WWOX: variants seen among roughly 807,000 people sequenced by gnomAD.
WWOX encodes the protein WW domain-containing oxidoreductase.
WWOX carries 69 observed loss-of-function variants against 46.2 expected under a neutral mutation model. The ratio of observed to expected loss-of-function variants is 1.49; its 90% CI spans 1.23 to 1.82. The LOEUF is 1.82. Among genes scored for constraint, WWOX ranks in the 40% most tolerant of loss-of-function variants. The probability of loss-of-function intolerance (pLI) is 0.00; values close to 1 mark genes in which losing one functional copy is unlikely to be tolerated. For missense variants in WWOX, 919 were observed against 542.6 expected (o/e 1.69, Z -6.89); for synonymous variants, 359 against 202.6 (o/e 1.77, Z -6.56).
chr16:79,006,619 G>C (rs2047196231), intron 8 of WWOX, among the ~76,000 whole-genome samples: 2 of 151,792 alleles, frequency 1.3e-5, no homozygotes, highest in African/African-American at 4.8e-5. Flanking sequence ...AAACCTAAAT[G>C]TATTATCTGA....
chr16:78,780,994 C>T (rs1025925732), intron 8 of WWOX, among the ~76,000 whole-genome samples: 1 of 152,096 alleles, frequency 6.6e-6, no homozygotes, highest in Admixed American at 6.5e-5. Flanking sequence ...CTGGTGTGGC[C>T]GAAGGAGTGC....
intron 8 of WWOX, among the ~76,000 whole-genome samples, chr16:78,603,366 C>A (rs963333992): frequency 7.9e-5 from 12 of 152,172 alleles, no homozygotes; most frequent in African/African-American, 2.4e-4. Context: ...ATGAACGCCC[C>A]CACTGGGTGA....
chr16:78,355,624 G>A (rs969682469), intron 5 of WWOX: 23 of 587,398 alleles, frequency 3.9e-5, no homozygotes, highest in Non-Finnish European at 5.5e-5. Context: ...GTGTGAAAAT[G>A]AGAAACGACC....
intron 8 of WWOX, among the ~76,000 whole-genome samples, chr16:79,036,348 T>G (rs1374815617): frequency 6.6e-6 from 1 of 152,240 alleles, no homozygotes; most frequent in Non-Finnish European, 1.5e-5. Context: ...CCTGCATTCA[T>G]TAGACAGTAC....
intron 4 of WWOX, among the ~76,000 whole-genome samples, chr16:78,130,798 G>T (rs1191723688): frequency 6.6e-6 from 1 of 152,218 alleles, no homozygotes; most frequent in Non-Finnish European, 1.5e-5. Flanking sequence ...GTAGAAACAG[G>T]CAGGGTCCCT....
chr16:78,940,992 A>G (rs896445214), intron 8 of WWOX, among the ~76,000 whole-genome samples: 1 of 150,628 alleles, frequency 6.6e-6, no homozygotes. Context: ...TGGAACCTGC[A>G]TGGTGTTGGG....
intron 8 of WWOX, among the ~76,000 whole-genome samples, chr16:78,595,809 G>A (rs1283703560): frequency 6.6e-6 from 1 of 152,184 alleles, no homozygotes; most frequent in Non-Finnish European, 1.5e-5. Flanking sequence ...TTCAAAACCC[G>A]CTTTTTGAAC....
At chr16:78,511,028 G>T (rs1370345795) in intron 8 of WWOX, among the ~76,000 whole-genome samples, 14 of 152,210 alleles carry the variant, frequency 9.2e-5, no homozygotes. Flanking sequence ...CTGGCATAGT[G>T]GGCTGCTCAG....
chr16:78,614,492 C>G (rs1392410044), intron 8 of WWOX, among the ~76,000 whole-genome samples: 10 of 152,334 alleles, frequency 6.6e-5, no homozygotes, highest in Admixed American at 4.6e-4. Flanking sequence ...CCAGATCCAC[C>G]CTGTTCACGG....
intron 8 of WWOX, among the ~76,000 whole-genome samples, chr16:78,775,734 T>C (rs573395929): frequency 6.6e-6 from 1 of 152,236 alleles, no homozygotes; most frequent in African/African-American, 2.4e-5. Context: ...GGTATTATTA[T>C]AATAATCATT....
intron 6 of WWOX, among the ~76,000 whole-genome samples, chr16:78,405,272 T>C (rs547304987): frequency 1.3e-5 from 2 of 152,282 alleles, no homozygotes; most frequent in South Asian, 4.1e-4. Flanking sequence ...GGTGCTGTGC[T>C]CCACTCTGGG....
At chr16:78,545,994 C>T (rs1049861549) in intron 8 of WWOX, among the ~76,000 whole-genome samples, 1 of 152,100 alleles carries the variant, frequency 6.6e-6, no homozygotes. Flanking sequence ...GTTAGAACTT[C>T]AGGATATAAA....
At chr16:78,168,541 G>C (rs2035050601) in intron 5 of WWOX, 1 of 151,576 alleles carries the variant, frequency 6.6e-6, no homozygotes, top group Non-Finnish European at 1.5e-5. Context: ...CAGGCTCCTT[G>C]CTTGGTCCAT....
At chr16:79,211,134 C>T (rs2051728250) in intron 8 of WWOX, among the ~76,000 whole-genome samples, 1 of 151,920 alleles carries the variant, frequency 6.6e-6, no homozygotes, top group South Asian at 2.1e-4. Flanking sequence ...GATGATCTGG[C>T]AGCAGCCCCA....
intron 8 of WWOX, among the ~76,000 whole-genome samples, chr16:78,463,112 C>T (rs577592152): frequency 5.3e-4 from 80 of 152,280 alleles, no homozygotes; most frequent in African/African-American, 1.9e-3. Context: ...TATCCCACTG[C>T]AATTCTGTGT....
intron 8 of WWOX, among the ~76,000 whole-genome samples, chr16:79,058,193 A>G (rs528732479): frequency 6.6e-6 from 1 of 151,734 alleles, no homozygotes; most frequent in Admixed American, 6.6e-5. Flanking sequence ...CTGTATAGAG[A>G]GAGTCAGGCA....
At chr16:78,558,639 C>T (rs1193229196) in intron 8 of WWOX, among the ~76,000 whole-genome samples, 1 of 152,212 alleles carries the variant, frequency 6.6e-6, no homozygotes, top group Non-Finnish European at 1.5e-5. Context: ...CCTGCTTACA[C>T]CTAGCTGTTG....
chr16:78,857,865 A>C (rs2052602916), intron 8 of WWOX, among the ~76,000 whole-genome samples: 1 of 152,206 alleles, frequency 6.6e-6, no homozygotes, highest in South Asian at 2.1e-4. Flanking sequence ...ACCGAAATTA[A>C]ACACATGCCT....
chr16:79,046,115 C>G (rs113056174), intron 8 of WWOX, among the ~76,000 whole-genome samples: 170 of 152,178 alleles, frequency 1.1e-3, no homozygotes, highest in African/African-American at 3.7e-3. Flanking sequence ...GTTTTCTTTT[C>G]TATATTGTAG....
Sources: gnomAD v4.1 joint callset for allele counts (sites outside exome capture counted in the v4.1 genomes callset) on GRCh38, gnomAD v4.1.1 for gene constraint, MANE v1.5 for transcripts, NCBI Gene and HGNC (gene_info 2026-07-23, HGNC 2026-07-21) for gene names.